Variants in KMT2A observed in about 807,000 individuals in gnomAD.
The protein encoded by KMT2A is lysine methyltransferase 2A, also known as histone-lysine N-methyltransferase 2A.
KMT2A carries 16 observed loss-of-function variants against 345.3 expected under a neutral mutation model. The observed-to-expected ratio is 0.05, with a 90% CI of 0.03 to 0.07. The LOEUF (loss-of-function observed/expected upper bound fraction) is 0.07. KMT2A is among the 10% of genes least tolerant of loss of function. The probability of loss-of-function intolerance (pLI) is 1.00; values close to 1 mark genes in which losing one functional copy is unlikely to be tolerated. For synonymous variants in KMT2A, 1,599 were observed against 1,778.6 expected, an observed-to-expected ratio of 0.90 and a Z score of 2.54; for missense variants, 3,272 against 4,841.6, an observed-to-expected ratio of 0.68 and a Z score of 9.62.
intron 5 of KMT2A, among the ~76,000 whole-genome samples, chr11:118,479,528 T>C (rs1555038632): frequency 6.6e-6 from 1 of 152,182 alleles, no homozygotes; most frequent in Non-Finnish European, 1.5e-5. Context: ...AGACAAGAAG[T>C]AGTTCTGTGC....
At chr11:118,501,976 G>T (rs1950508258) in intron 26 of KMT2A, 119 bp downstream of exon 26, 2 of 882,930 alleles carry the variant, frequency 2.3e-6, no homozygotes, top group Non-Finnish European at 3.4e-6. Context: ...ATTCCGGGTG[G>T]GTGAGGTGGC....
At chr11:118,466,917 G>A (rs1487672773) in intron 1 of KMT2A, among the ~76,000 whole-genome samples, 3 of 152,048 alleles carry the variant, frequency 2.0e-5, no homozygotes, top group African/African-American at 7.2e-5. Context: ...CAGTAAGCCA[G>A]GCATAGTGGT....
Position 118,502,950 on chromosome 11 carries a change from C to T in KMT2A, c.7058C>T (p.Ser2353Phe), listed in dbSNP as rs2134387882. ...SRELNVSKIG[S>F]FAEPSSVSFS... ...GAACTGAATGTTAGTAAAATCGGCT[C>T]CTTTGCTGAACCCTCTTCAGTGTCG... The change falls in exon 27 of 36, where the codon TCC (serine) becomes TTC (phenylalanine). Residue 2353 changes from serine (S) to phenylalanine (F), a missense_variant. Physicochemically the swap from Ser to Phe is radical, Grantham distance 155 (BLOSUM62 -2). This residue lies in a region of KMT2A where 445 missense variants were observed against 500.9 expected (regional missense o/e 0.89). Coordinates refer to ENST00000534358, the MANE Select transcript of KMT2A (RefSeq NM_001197104.2). This position sits in a 1 kb window ranked among gnomAD's most constrained non-coding sequence, Gnocchi z 4.9. The T allele has an allele frequency of 1.2e-6, 2 of 1,614,148 alleles. No homozygotes were observed. Among genetic ancestry groups the T allele is most frequent in the African/African-American group, 1.3e-5 (1 of 75,034 alleles).
At position 118,489,807 on chromosome 11, in the gene KMT2A, A is replaced by C. The variant is rs538817636; in HGVS notation, c.4495A>C (p.Asn1499His). The C allele has an allele frequency of 8.1e-6, 13 of 1,614,114 alleles. No individual in the cohort carries two copies. The highest frequency in any genetic ancestry group is 5.3e-5 in the African/African-American group (4 of 75,044). Residue 1499 changes from asparagine (N) to histidine (H), a missense_variant, in exon 12 of 36, where the codon AAT (asparagine) becomes CAT (histidine). Asn to His is a moderately conservative substitution (Grantham distance 68, BLOSUM62 1). Transcript: ENST00000534358. Reference sequence around the variant, plus strand: ...TTTCTTACAGCAGCTGCTGGAGTGTAATAAGTGCCGAAACAGCTATCACCC... The same window carrying C: ...TTTCTTACAGCAGCTGCTGGAGTGTCATAAGTGCCGAAACAGCTATCACCC... ...HQATKQLLEC[N>H]KCRNSYHPEC...
In KMT2A at chr11:118,478,033, C is replaced by G; in HGVS notation, c.3401C>G (p.Pro1134Arg). 6.2e-7 allele frequency: 1 copy of G among 1,614,092 alleles called. No individual in the cohort carries two copies. The highest frequency in any genetic ancestry group is 8.5e-7 in the Non-Finnish European group (1 of 1,180,004). ...GCTCCACCCATCAAACCAATTAAACCTGTCACTAGAAACAAGGCACCCCAG... is the reference window on the plus strand; with the variant it reads ...GCTCCACCCATCAAACCAATTAAACGTGTCACTAGAAACAAGGCACCCCAG... ...PLAPPIKPIK[P>R]VTRNKAPQEP... is the part of the protein sequence containing the mutation. Residue 1134 changes from proline (P) to arginine (R), a missense_variant, in exon 5 of 36, where the codon CCT (proline) becomes CGT (arginine). Physicochemically the swap from Pro to Arg is moderately radical, Grantham distance 103. This residue lies in a region of KMT2A where 33 missense variants were observed against 46.5 expected (regional missense o/e 0.71). Coordinates refer to ENST00000534358, the MANE Select transcript of KMT2A (RefSeq NM_001197104.2).
At position 118,510,379 on chromosome 11, in the gene KMT2A, C is replaced by T. The variant is rs1215113782; in HGVS notation, c.11071+261C>T. Among the ~76,000 whole-genome samples, 1 of 152,120 alleles carries T rather than the reference C, an allele frequency of 6.6e-6. No individual in the cohort carries two copies. Among genetic ancestry groups the T allele is most frequent in the African/African-American group, 2.4e-5 (1 of 41,414 alleles). ...CGGAGCCCCTGAGAACTCTGCTTCC[C>T]CCTCCAGCCTTGTTTTTTGCCATTC... On this transcript the variant is annotated intron_variant, in intron 30 of 35. Coordinates refer to ENST00000534358, the MANE Select transcript of KMT2A (RefSeq NM_001197104.2). This position sits in a 1 kb window ranked among gnomAD's most constrained non-coding sequence, Gnocchi z 4.1.
In KMT2A at chr11:118,491,132, C is replaced by T. The variant is rs1490778236; in HGVS notation, c.4697-64C>T. Reference sequence around the variant, plus strand: ...TTAGATTGGGTTGGTAAATGCAAGTCGAGGGCCGTAAAAACACGGGTATGT... The same window carrying T: ...TTAGATTGGGTTGGTAAATGCAAGTTGAGGGCCGTAAAAACACGGGTATGT... On this transcript the variant is annotated intron_variant, in intron 13 of 35. Coordinates refer to ENST00000534358, the MANE Select transcript of KMT2A (RefSeq NM_001197104.2). This position sits in a 1 kb window ranked among gnomAD's most constrained non-coding sequence, Gnocchi z 4.2. The T allele has an allele frequency of 3.3e-5, 51 of 1,569,140 alleles. No individual in the cohort carries two copies. Among genetic ancestry groups the T allele is most frequent in the African/African-American group, 4.1e-5 (3 of 73,512 alleles).
At position 118,436,493 on chromosome 11, in the gene KMT2A, C is replaced by A; in HGVS notation, c.-20C>A. 1 of 1,252,852 alleles carries A rather than the reference C, an allele frequency of 8.0e-7. No homozygotes were observed. The highest frequency in any genetic ancestry group is 1.0e-6 in the Non-Finnish European group (1 of 986,630). 77.6% of individuals were successfully genotyped at this position (1,252,852 alleles called of 1,614,324 possible). ...GTGTTGTCGCCTCTCCCTCTCGCTG[C>A]TTCACTTCACGGGGCGAACATGGCG... On this transcript the variant is annotated 5_prime_UTR_variant, in exon 1 of 36. Transcript: ENST00000534358. This position sits in a 1 kb window ranked among gnomAD's most constrained non-coding sequence, Gnocchi z 6.9.
Position 118,525,610 on chromosome 11 carries a change from TAAAAA to T in KMT2A, c.*3444_*3448del, listed in dbSNP as rs1244487041. Reference sequence around the variant, plus strand: ...CCCTTGATTTAAAAAAAATAAAAAATAAAAAAAAAAGGAAAAAAAAATACAACACA... The same window carrying T: ...CCCTTGATTTAAAAAAAATAAAAAATAAAAAGGAAAAAAAAATACAACACA... On this transcript the variant is annotated 3_prime_UTR_variant, in exon 36 of 36. Transcript: ENST00000534358. The T allele has an allele frequency of 6.1e-5, 11 of 179,140 alleles. No individual in the cohort carries two copies. Among genetic ancestry groups the T allele is most frequent in the African/African-American group, 3.0e-4 (10 of 33,392 alleles). The allele number at this position is 179,140 out of a possible 1,614,324, so 11.1% of individuals were successfully genotyped here. A position where few individuals can be genotyped will look rare whatever the true frequency, so the allele number is the denominator to read the frequency against.
chr11:118,464,631 A>C (rs1280066072), intron 1 of KMT2A, among the ~76,000 whole-genome samples: 1 of 152,192 alleles, frequency 6.6e-6, no homozygotes, highest in African/African-American at 2.4e-5. Flanking sequence ...ACAAGTGTAG[A>C]GCATTCAATG....
In KMT2A at chr11:118,497,000, CGGAGTTTCGCTCTTGTTGCCCAGGCT is replaced by C. The variant is rs571325082; in HGVS notation, c.5664+665_5664+690del. Among the ~76,000 whole-genome samples the C allele has an allele frequency of 1.9e-3, 291 of 151,872 alleles. No individual in the cohort carries two copies. Among genetic ancestry groups the C allele is most frequent in the African/African-American group, 5.8e-3 (240 of 41,424 alleles). On this transcript the variant is annotated intron_variant, in intron 20 of 35. Transcript: ENST00000534358. This position sits in a 1 kb window ranked among gnomAD's most constrained non-coding sequence, Gnocchi z 4.7. ...TTTTGTTTTGTTTTGTTTTTTTGAG[CGGAGTTTCGCTCTTGTTGCCCAGGCT>C]GGAGTTTCGCTCTTGTTGCCCAGGC...
rs1301729047 is a variant in KMT2A, at chr11:118,520,838, C to T, written c.11466C>T (p.Arg3822=). 7 of 1,614,108 alleles carry T rather than the reference C, an allele frequency of 4.3e-6. No homozygotes were observed. Among genetic ancestry groups the T allele is most frequent in the Non-Finnish European group, 5.9e-6 (7 of 1,179,966 alleles). ...ATSMDLPMPM[R]FRHLKKTSKE... ...GCATGGATCTGCCAATGCCCATGCG[C>T]TTCCGGCACTTAAAAAAGACTTCTA... is the stretch of plus-strand genomic sequence containing the variant. The change falls in exon 34 of 36, where the codon CGC becomes CGT. Residue 3822 remains arginine (R), a synonymous_variant. Transcript: ENST00000534358. The surrounding 1 kb of genome is among the most constrained non-coding windows in gnomAD (Gnocchi z 4.3).
rs1290291018 is a variant in KMT2A, at chr11:118,504,572, A to G, written c.8680A>G (p.Met2894Val). The change falls in exon 27 of 36, where the codon ATG (methionine) becomes GTG (valine). Residue 2894 changes from methionine to valine, a missense_variant. By Grantham distance (21) the Met-to-Val change is conservative (BLOSUM62 1). This residue lies in a region of KMT2A where 17 missense variants were observed against 50.6 expected (regional missense o/e 0.34). Transcript: ENST00000534358. This position sits in a 1 kb window ranked among gnomAD's most constrained non-coding sequence, Gnocchi z 6.4. Reference sequence around the variant, plus strand: ...TCTTGACAGTAATCGTGAAAAAGACATGGGTCTTTTTGAAGTATTTTCTCA... The same window carrying G: ...TCTTGACAGTAATCGTGAAAAAGACGTGGGTCTTTTTGAAGTATTTTCTCA... The part of the protein sequence containing the change: ...LGLDSNREKD[M>V]GLFEVFSQQL... The G allele has an allele frequency of 6.2e-7, 1 of 1,614,128 alleles. No individual in the cohort carries two copies. The highest frequency in any genetic ancestry group is 1.1e-5 in the South Asian group (1 of 91,082).
chr11:118,448,399 C>T (rs1949465347), intron 1 of KMT2A: 4 of 152,138 alleles, frequency 2.6e-5, no homozygotes, highest in Admixed American at 2.6e-4. Context: ...TTATAAAAGC[C>T]TCTGACCCTT....
At chr11:118,437,281 G>A (rs2134157343) in intron 1 of KMT2A, among the ~76,000 whole-genome samples, 1 of 151,598 alleles carries the variant, frequency 6.6e-6, no homozygotes, top group East Asian at 2.0e-4. Flanking sequence ...ATCCGAGCAA[G>A]ATTCCTCCCT....
In KMT2A at chr11:118,523,306, G is replaced by A. The variant is rs1951011772; in HGVS notation, c.*1134G>A. 4.4e-6 allele frequency: 1 copy of A among 229,432 alleles called. No individual in the cohort carries two copies. Among genetic ancestry groups the A allele is most frequent in the Non-Finnish European group, 8.6e-6 (1 of 115,618 alleles). The allele number at this position is 229,432 out of a possible 1,614,324, so 14.2% of individuals were successfully genotyped here. ...TTTAAACGGTCAGTGTCCAGTTGAA[G>A]GCAGAACACTAATCAGATTTCAAGG... On this transcript the variant is annotated 3_prime_UTR_variant, in exon 36 of 36. Coordinates refer to ENST00000534358, the MANE Select transcript of KMT2A (RefSeq NM_001197104.2).
At chr11:118,518,344 T>C (rs1565315653) in intron 31 of KMT2A, among the ~76,000 whole-genome samples, 1 of 152,132 alleles carries the variant, frequency 6.6e-6, no homozygotes, top group Non-Finnish European at 1.5e-5. Context: ...GTTGTTTTCA[T>C]AAAATAAAAA....
At position 118,494,573 on chromosome 11, in the gene KMT2A, G is replaced by A. The variant is rs1555043411; in HGVS notation, c.5290-121G>A. On this transcript the variant is annotated intron_variant, in intron 17 of 35. Transcript: ENST00000534358. The surrounding 1 kb of genome is among the most constrained non-coding windows in gnomAD (Gnocchi z 5.8). ...CTTGGTGAGGTTGCCAGAGTGGATGGATCTTTCTCTTGGTGGCCTGAAATT... is the reference window on the plus strand; with the variant it reads ...CTTGGTGAGGTTGCCAGAGTGGATGAATCTTTCTCTTGGTGGCCTGAAATT... The A allele has an allele frequency of 1.0e-6, 1 of 957,210 alleles. No homozygotes were observed. The highest frequency in any genetic ancestry group is 1.6e-6 in the Non-Finnish European group (1 of 625,940). The allele number at this position is 957,210 out of a possible 1,614,324, so 59.3% of individuals were successfully genotyped here. A position where few individuals can be genotyped will look rare whatever the true frequency, so the allele number is the denominator to read the frequency against.
intron 27 of KMT2A, 87 bp downstream of exon 27, chr11:118,506,733 C>T: frequency 7.4e-7 from 1 of 1,357,204 alleles, no homozygotes; most frequent in Non-Finnish European, 1.0e-6. Context: ...CCGGGAGAGA[C>T]ACTCTTCTGT....
Sources: gnomAD v4.1 joint callset for allele counts (sites outside exome capture counted in the v4.1 genomes callset) on GRCh38, gnomAD v4.1.1 for gene constraint, gnomAD v4.1.1 regional missense constraint, Gnocchi (gnomAD v3.1) non-coding constraint, MANE v1.5 for transcripts, NCBI Gene and HGNC (gene_info 2026-07-23, HGNC 2026-07-21) for gene names.